The following DNAH3 variants were observed in gnomAD, a reference collection of about 807,000 sequenced individuals.
DNAH3 encodes the protein axonemal beta dynein heavy chain 3.
DNAH3 carries 332 observed loss-of-function variants against 432.5 expected under a neutral mutation model. The ratio of observed to expected loss-of-function variants is 0.77; its 90% CI spans 0.70 to 0.84. The LOEUF (loss-of-function observed/expected upper bound fraction) is 0.84. Ranked by LOEUF, DNAH3 falls within the 40% of genes least tolerant of loss-of-function variation. The pLI, the probability that DNAH3 is intolerant of heterozygous loss-of-function variation, is 0.00. For missense variants in DNAH3, 4,861 were observed against 5,114.0 expected (o/e 0.95, Z 1.51); for synonymous variants, 1,956 against 1,900.2 (o/e 1.03, Z -0.76).
In DNAH3 at chr16:21,084,766, C is replaced by T. The variant is rs1443846811; in HGVS notation, c.2877+2083G>A. On this transcript the variant is annotated intron_variant, in intron 19 of 61. Coordinates refer to ENST00000261383, the Ensembl canonical transcript of DNAH3. ...GAGATTAGTGGTGTGAGCTACCTCG[C>T]TTGGCCTGGTTGGGATTTTCTGAGT... 2.6e-5 allele frequency among the ~76,000 whole-genome samples: 4 copies of T among 152,162 alleles called. No individual in the cohort carries two copies. The South Asian group carries it at 6.2e-4, about 24-fold the overall frequency.
intron 18 of DNAH3, among the ~76,000 whole-genome samples, chr16:21,089,965 A>G (rs2091482676): frequency 6.6e-6 from 1 of 152,138 alleles, no homozygotes; most frequent in Non-Finnish European, 1.5e-5. Flanking sequence ...GATGCAAATT[A>G]CCAATATCAA....
At chr16:21,083,022 CTTTTT>C (rs112090022) in intron 19 of DNAH3, among the ~76,000 whole-genome samples, 2 of 140,192 alleles carry the variant, frequency 1.4e-5, no homozygotes, top group Admixed American at 1.4e-4. Flanking sequence ...TTTTTCCATA[CTTTTT>C]TTTTTTTGAG....
At chr16:20,954,760 A>G (rs2084482481) in intron 55 of DNAH3, 53 bp downstream of exon 55, 1 of 1,589,406 alleles carries the variant, frequency 6.3e-7, no homozygotes. Flanking sequence ...ACACACCTAT[A>G]TGTGTCTGAT....
chr16:21,027,688 A>T (rs2088643937), intron 37 of DNAH3, among the ~76,000 whole-genome samples: 1 of 152,090 alleles, frequency 6.6e-6, no homozygotes, highest in Non-Finnish European at 1.5e-5. Flanking sequence ...AAAAATACAA[A>T]AATTAGCTGA....
chr16:20,984,029 G>GAAAAAAGAAAAAAAAAAAAAA (rs2086051499), intron 48 of DNAH3, among the ~76,000 whole-genome samples: 17 of 112,154 alleles, frequency 1.5e-4, no homozygotes, highest in African/African-American at 5.6e-4. Flanking sequence ...CCTATATCCA[G>GAAAAAAGAAAAAAAAAAAAAA]AAAAAAAAAA....
exon 47 of DNAH3, chr16:20,987,373 C>A: frequency 6.2e-7 from 1 of 1,614,184 alleles, no homozygotes; most frequent in Non-Finnish European, 8.5e-7. Context: ...ACCTGTCTGT[C>A]CTCCTTGTCA....
chr16:21,010,900 T>G (rs866132450), intron 41 of DNAH3, among the ~76,000 whole-genome samples: 307 of 141,982 alleles, frequency 2.2e-3, no homozygotes, highest in African/African-American at 7.0e-3. Context: ...TTTTTTTTTT[T>G]TGTTTTTTTT....
rs200681205 is a variant in DNAH3 at position 21,067,473 on chromosome 16, T to C, written c.3382-54A>G. On this transcript the variant is annotated intron_variant, in intron 23 of 61. Transcript: ENST00000261383. ...ATCATAAGGTTCCCAAGTTCTGAGA[T>C]TGGTCATTGTATTGAATGTGTGACC... is the stretch of plus-strand genomic sequence containing the variant. 36 of 1,598,458 alleles carry C rather than the reference T, an allele frequency of 2.3e-5. No individual in the cohort carries two copies. In the East Asian group the frequency reaches 7.4e-4, roughly 33 times the overall value.
chr16:21,156,801 G>A (rs1190749634), intron 1 of DNAH3, among the ~76,000 whole-genome samples: 1 of 152,096 alleles, frequency 6.6e-6, no homozygotes, highest in Non-Finnish European at 1.5e-5. Context: ...TGTGATGGAG[G>A]AAGCATCTAT....
chr16:20,967,435 A>C (rs2085110831), intron 52 of DNAH3, among the ~76,000 whole-genome samples: 1 of 148,320 alleles, frequency 6.7e-6, no homozygotes. Context: ...CCTAATGCTC[A>C]GGCTGCATCC....
chr16:21,139,067 C>T (rs1386090063), intron 5 of DNAH3, among the ~76,000 whole-genome samples: 2 of 152,118 alleles, frequency 1.3e-5, no homozygotes, highest in Non-Finnish European at 2.9e-5. Flanking sequence ...ACACCCTAAA[C>T]CCACAAGACA....
intron 61 of DNAH3, 28 bp downstream of exon 61, chr16:20,935,320 G>A (rs1567484221): frequency 3.1e-6 from 5 of 1,613,388 alleles, no homozygotes; most frequent in South Asian, 1.1e-5. Context: ...TCAGCCCCTT[G>A]AGTGAGCCTA....
intron 1 of DNAH3, among the ~76,000 whole-genome samples, chr16:21,154,108 A>C (rs1485773105): frequency 1.3e-5 from 2 of 152,206 alleles, no homozygotes; most frequent in African/African-American, 4.8e-5. Flanking sequence ...CAATGAAGTG[A>C]AAAATTAGAA....
In DNAH3 at chr16:20,958,504, T is replaced by G. The variant is rs1395176330; in HGVS notation, c.10826+675A>C. On this transcript the variant is annotated intron_variant, in intron 54 of 61. Transcript: ENST00000261383. ...GCATATACCAGAGCTGTAAGATAAC[T>G]TCTCAGGATTTCCTTAATACCTCTC... 2.6e-5 allele frequency among the ~76,000 whole-genome samples: 4 copies of G among 152,216 alleles called. No homozygotes were observed. In the South Asian group the frequency reaches 8.3e-4, roughly 32 times the overall value.
rs564569633 is a variant in DNAH3, at chr16:21,062,166, C to T, written c.3720+316G>A. On this transcript the variant is annotated intron_variant, in intron 25 of 61. Coordinates refer to ENST00000261383, the Ensembl canonical transcript of DNAH3. ...ACCTGTCTAACTGAATCACTTTCAA[C>T]TGAACTCTGCACATGGAAATCTAAA... Among the ~76,000 whole-genome samples the T allele has an allele frequency of 1.7e-3, 257 of 152,300 alleles. 1 individual carries two copies. The highest frequency in any genetic ancestry group is 2.0e-3 in the Non-Finnish European group (137 of 68,018).
chr16:21,152,607 G>C (rs1037221288), intron 1 of DNAH3, among the ~76,000 whole-genome samples: 7 of 152,242 alleles, frequency 4.6e-5, no homozygotes, highest in African/African-American at 1.4e-4. Flanking sequence ...GGAGAGGCGC[G>C]AGCGGGAACC....
At chr16:21,109,702 T>C (rs184298657) in intron 14 of DNAH3, among the ~76,000 whole-genome samples, 7 of 152,022 alleles carry the variant, frequency 4.6e-5, no homozygotes, top group Admixed American at 3.3e-4. Flanking sequence ...TGAGCTCAAG[T>C]GATACTCCTG....
At chr16:20,968,628 T>G (rs2085167999) in intron 52 of DNAH3, among the ~76,000 whole-genome samples, 1 of 152,064 alleles carries the variant, frequency 6.6e-6, no homozygotes, top group Non-Finnish European at 1.5e-5. Context: ...TTCTGCCCGT[T>G]TCTAATTCTC....
At chr16:21,097,355 C>T (rs2091712415) in exon 18 of DNAH3, 5 of 1,613,546 alleles carry the variant, frequency 3.1e-6, no homozygotes, top group Non-Finnish European at 3.4e-6. Flanking sequence ...CACCACATAC[C>T]ATTCATCCAT....
Sources: gnomAD v4.1 joint callset for allele counts (sites outside exome capture counted in the v4.1 genomes callset) on GRCh38, gnomAD v4.1.1 for gene constraint, MANE v1.5 for transcripts, NCBI Gene and HGNC (gene_info 2026-07-23, HGNC 2026-07-21) for gene names.